Variants in TJP1 observed in about 807,000 individuals in gnomAD.
TJP1 encodes tight junction protein 1.
In TJP1, 43 loss-of-function variants were observed where a neutral mutation model predicts 194.2. The ratio of observed to expected loss-of-function variants is 0.22; its 90% CI spans 0.17 to 0.29. TJP1 has a LOEUF of 0.29. Ranked by LOEUF, TJP1 falls within the 10% of genes least tolerant of loss-of-function variation. TJP1 has a pLI of 1.00. For missense variants in TJP1, 1,971 were observed against 2,185.7 expected (o/e 0.90, Z 1.96); for synonymous variants, 801 against 779.0 (o/e 1.03, Z -0.47).
In TJP1 at chr15:29,719,064, G is replaced by A. The variant is rs779138208; in HGVS notation, c.3078C>T (p.His1026=). 4 of 1,614,006 alleles carry A rather than the reference G, an allele frequency of 2.5e-6. No homozygotes were observed. The African/African-American group carries it at 4.0e-5, about 16-fold the overall frequency. ...NHVLKQPAVS[H]PGHRPDKEPN... ...GCTCTTTGTCTGGCCTGTGCCCTGG[G>A]TGACTAACGGCTGGCTGTTTCAAAA... Residue 1026 remains histidine, a synonymous_variant, in exon 21 of 28, where the codon CAC becomes CAT. Coordinates refer to ENST00000614355, the MANE Select transcript of TJP1 (RefSeq NM_001330239.4).
chr15:29,708,799 C>G lies in TJP1; in HGVS notation c.4610G>C (p.Arg1537Pro). 1 of 1,614,148 alleles carries G rather than the reference C, an allele frequency of 6.2e-7. No homozygotes were observed. Among genetic ancestry groups the G allele is most frequent in the Non-Finnish European group, 8.5e-7 (1 of 1,180,042 alleles). ...ACTTTCAAACTTGCGTTCAAATGGT[C>G]GGGCAGAACTTGTATATGGTTTTGG... ...FTPKPYTSSARPFERKFESPK... is the reference protein window; with the variant it reads ...FTPKPYTSSAPPFERKFESPK... The change falls in exon 25 of 28, where the codon CGA (arginine) becomes CCA (proline). Residue 1537 changes from arginine to proline, a missense_variant. By Grantham distance (103) the Arg-to-Pro change is moderately radical. Transcript: ENST00000614355.
chr15:29,833,559 A>C (rs1430068877), intron 2 of TJP1, among the ~76,000 whole-genome samples: 1 of 151,538 alleles, frequency 6.6e-6, no homozygotes, highest in Non-Finnish European at 1.5e-5. Context: ...ACATCCTGCT[A>C]ATGTTTGTAT....
chr15:29,738,962 C>T (rs1156472419), intron 10 of TJP1, among the ~76,000 whole-genome samples: 6 of 151,080 alleles, frequency 4.0e-5, no homozygotes, highest in East Asian at 1.9e-4. Flanking sequence ...GAGGATTCCT[C>T]GAGCCTAGGA....
intron 10 of TJP1, among the ~76,000 whole-genome samples, chr15:29,739,026 A>G (rs759719258): frequency 1.4e-4 from 22 of 152,244 alleles, no homozygotes; most frequent in Non-Finnish European, 2.9e-4. Flanking sequence ...CCTGGGTGAC[A>G]GAGTGAGGCC....
chr15:29,741,248 C>T lies in TJP1; in HGVS notation c.1256+83G>A, dbSNP rs1273919664. On this transcript the variant is annotated intron_variant, in intron 10 of 27. Coordinates refer to ENST00000614355, the MANE Select transcript of TJP1 (RefSeq NM_001330239.4). ...TATGTACTATTTTAAAAAATATATG[C>T]AATATGGTTTACAATTAAATTCCTA... The T allele has an allele frequency of 8.2e-6, 8 of 980,442 alleles. No homozygotes were observed. The East Asian group carries it at 1.6e-4, about 19-fold the overall frequency. 60.7% of individuals were successfully genotyped at this position (980,442 alleles called of 1,614,324 possible).
At chr15:29,890,278 C>T (rs528911874) in intron 2 of TJP1, among the ~76,000 whole-genome samples, 11 of 152,228 alleles carry the variant, frequency 7.2e-5, no homozygotes, top group African/African-American at 1.2e-4. Context: ...TAATTTGAAG[C>T]GAAATAAGAG....
At chr15:29,846,413 C>A (rs545543864) in intron 2 of TJP1, among the ~76,000 whole-genome samples, 12 of 152,092 alleles carry the variant, frequency 7.9e-5, no homozygotes, top group South Asian at 4.1e-4. Context: ...AGAAAGCTTT[C>A]GGTTAATAAC....
intron 18 of TJP1, among the ~76,000 whole-genome samples, chr15:29,721,522 T>C (rs1170615682): frequency 6.6e-6 from 1 of 152,148 alleles, no homozygotes; most frequent in African/African-American, 2.4e-5. Flanking sequence ...TCTTTATAAA[T>C]TACCCAGTCT....
At chr15:29,709,328 C>T (rs2042099677) in intron 24 of TJP1, among the ~76,000 whole-genome samples, 2 of 152,124 alleles carry the variant, frequency 1.3e-5, no homozygotes, top group Admixed American at 1.3e-4. Flanking sequence ...GCCCAATAAT[C>T]ATATAATAAG....
rs571316530 is a variant in TJP1, at chr15:29,746,296, T to C, written c.1011-3515A>G. ...TGGAGGCTGAGGCAGGAGAATGGCG[T>C]GAACCCGGGAGGCGGAGCTTGCAGT... is the stretch of plus-strand genomic sequence containing the variant. On this transcript the variant is annotated intron_variant, in intron 8 of 27. Transcript: ENST00000614355. Among the ~76,000 whole-genome samples, 8 of 151,680 alleles carry C rather than the reference T, an allele frequency of 5.3e-5. No individual in the cohort carries two copies. In the South Asian group the frequency reaches 1.7e-3, roughly 32 times the overall value.
chr15:29,833,881 A>ATATATATATATATTT, intron 2 of TJP1, among the ~76,000 whole-genome samples: 5 of 12,594 alleles, frequency 4.0e-4, no homozygotes, highest in Non-Finnish European at 5.4e-4. Flanking sequence ...ATATATATAT[A>ATATATATATATATTT]TTTTTTTTTT....
intron 2 of TJP1, among the ~76,000 whole-genome samples, chr15:29,860,320 A>G (rs1007591881): frequency 2.6e-5 from 4 of 152,156 alleles, no homozygotes; most frequent in African/African-American, 9.7e-5. Flanking sequence ...AAGTAATTAC[A>G]GGACACCTAT....
At chr15:29,829,638 A>AAAAAAAAAAAAAG (rs1567113165) in intron 2 of TJP1, among the ~76,000 whole-genome samples, 1 of 838 alleles carries the variant, frequency 1.2e-3, no homozygotes, top group African/African-American at 1.4e-3. Flanking sequence ...TAAAAAAAAG[A>AAAAAAAAAAAAAG]AAAAAAAAAA....
At chr15:29,777,373 A>AT (rs2047082245) in intron 2 of TJP1, among the ~76,000 whole-genome samples, 2 of 152,230 alleles carry the variant, frequency 1.3e-5, no homozygotes, top group Admixed American at 1.3e-4. Flanking sequence ...TTCATATTGA[A>AT]TAAAAAGAGT....
chr15:29,815,677 A>G (rs1410328629), intron 1 of TJP1, among the ~76,000 whole-genome samples: 1 of 152,208 alleles, frequency 6.6e-6, no homozygotes, highest in East Asian at 1.9e-4. Flanking sequence ...TTATCATATC[A>G]GGGGTATGTC....
At chr15:29,877,668 C>A (rs1282182298) in intron 2 of TJP1, among the ~76,000 whole-genome samples, 1 of 138,064 alleles carries the variant, frequency 7.2e-6, no homozygotes, top group African/African-American at 2.7e-5. Flanking sequence ...CTCTCTCTTT[C>A]TTTTTTTTTT....
intron 1 of TJP1, among the ~76,000 whole-genome samples, chr15:29,965,457 C>T (rs925519132): frequency 1.3e-5 from 2 of 152,050 alleles, no homozygotes; most frequent in African/African-American, 4.8e-5. Context: ...AGTGGTCCAC[C>T]CATCTTGGTC....
chr15:29,822,780 C>T (rs2050510697), upstream of TJP1: 1 of 152,344 alleles, frequency 6.6e-6, no homozygotes, highest in Non-Finnish European at 1.5e-5. Context: ...CCTCGACAAG[C>T]CACGCACATC....
Position 29,733,336 on chromosome 15 carries a change from C to T in TJP1, c.1517-23G>A, listed in dbSNP as rs45504204. ...AAACTAAAAGGAATAAAAACAAACACATTATCAATATTTAGTGGGATAACA... is the reference window on the plus strand; with the variant it reads ...AAACTAAAAGGAATAAAAACAAACATATTATCAATATTTAGTGGGATAACA... On this transcript the variant is annotated intron_variant, in intron 12 of 27. Coordinates refer to ENST00000614355, the MANE Select transcript of TJP1 (RefSeq NM_001330239.4). 2.8e-3 allele frequency: 4,120 copies of T among 1,495,388 alleles called. 79 individuals carry two copies. The African/African-American group carries it at 0.041, about 15-fold the overall frequency. 92.6% of individuals were successfully genotyped at this position (1,495,388 alleles called of 1,614,324 possible).
Sources: gnomAD v4.1 joint callset for allele counts (sites outside exome capture counted in the v4.1 genomes callset) on GRCh38, gnomAD v4.1.1 for gene constraint, MANE v1.5 for transcripts, NCBI Gene and HGNC (gene_info 2026-07-23, HGNC 2026-07-21) for gene names.